Variants in IRAG2 observed in about 807,000 individuals in gnomAD.
IRAG2 encodes lymphoid restricted membrane protein.
In IRAG2, 45 loss-of-function variants were observed where a neutral mutation model predicts 69.9. That is an observed-to-expected ratio of 0.64 (90% confidence interval 0.51 to 0.83). The LOEUF (loss-of-function observed/expected upper bound fraction) is 0.83. Among genes scored for constraint, IRAG2 ranks in the 40% least tolerant of loss-of-function variants. IRAG2 has a pLI of 0.00. For missense variants in IRAG2, 520 were observed against 587.0 expected (o/e 0.89, Z 1.18); for synonymous variants, 193 against 202.4 (o/e 0.95, Z 0.40).
chr12:25,050,165 G>A (rs916996458), upstream of IRAG2, among the ~76,000 whole-genome samples: 2 of 151,516 alleles, frequency 1.3e-5, no homozygotes, highest in Non-Finnish European at 2.9e-5. Context: ...AAAAAGTGTT[G>A]GTGAGGATGT....
chr12:25,022,068 A>T (rs929881408), intron 7 of IRAG2, among the ~76,000 whole-genome samples: 2 of 152,210 alleles, frequency 1.3e-5, no homozygotes, highest in Non-Finnish European at 2.9e-5. Flanking sequence ...TAGCCCTGCC[A>T]CATAGTCACT....
chr12:25,013,944 G>T (rs1234905163), intron 3 of IRAG2, among the ~76,000 whole-genome samples: 1 of 127,132 alleles, frequency 7.9e-6, no homozygotes, highest in African/African-American at 3.0e-5. Context: ...GCGCAATCTC[G>T]GCTCACTGCA....
rs1473707288 is a variant in IRAG2, at chr12:25,038,270, TTC to T, written c.2144+135_2144+136del. 1.8e-5 allele frequency: 7 copies of T among 392,948 alleles called. No homozygotes were observed. The East Asian group carries it at 2.5e-4, about 14-fold the overall frequency. The allele number at this position is 392,948 out of a possible 1,614,324, so 24.3% of individuals were successfully genotyped here. A position where few individuals can be genotyped will look rare whatever the true frequency, so the allele number is the denominator to read the frequency against. On this transcript the variant is annotated intron_variant, in intron 16 of 38. Coordinates refer to the IRAG2 transcript ENST00000636465. The stretch of plus-strand genomic sequence containing the variant: ...GATGATACTTTTTTCAGAGAAGATA[TTC>T]TGTTTGATAATTCTGAATTGTAAAA...
chr12:25,051,528 A>T (rs765398564), upstream of IRAG2, among the ~76,000 whole-genome samples: 2 of 152,234 alleles, frequency 1.3e-5, no homozygotes, highest in Non-Finnish European at 2.9e-5. Context: ...ACATTAAATA[A>T]TCTCATCTGC....
chr12:25,098,477 T>C lies in IRAG2; in HGVS notation c.741+1433T>C, dbSNP rs916408074. 3.3e-5 allele frequency among the ~76,000 whole-genome samples: 5 copies of C among 152,202 alleles called. 1 individual carries two copies. The highest frequency in any genetic ancestry group is 3.3e-4 in the Admixed American group (5 of 15,278). ...TGAATCCTTACACACTCCCTTGCTC[T>C]TGTTCCTAAAGATGCGTTGTCTCTA... is the stretch of plus-strand genomic sequence containing the variant. On this transcript the variant is annotated intron_variant, in intron 15 of 21. Coordinates refer to ENST00000556887, the MANE Select transcript of IRAG2 (RefSeq NM_001366544.2).
intron 10 of IRAG2, among the ~76,000 whole-genome samples, chr12:25,031,457 A>G (rs1424225284): frequency 6.6e-6 from 1 of 152,224 alleles, no homozygotes; most frequent in East Asian, 1.9e-4. Flanking sequence ...AGGTATCATT[A>G]GTACTGAAAA....
chr12:25,027,574 T>G (rs1454943666), intron 9 of IRAG2, among the ~76,000 whole-genome samples: 1 of 151,944 alleles, frequency 6.6e-6, no homozygotes, highest in African/African-American at 2.4e-5. Flanking sequence ...TTTTGTATTT[T>G]TAGTAGAGAC....
chr12:25,012,769 A>G (rs963040501), intron 3 of IRAG2, among the ~76,000 whole-genome samples: 1 of 152,160 alleles, frequency 6.6e-6, no homozygotes, highest in African/African-American at 2.4e-5. Context: ...TGGAGGTTGA[A>G]GTGAGCCGAG....
chr12:25,107,049 G>T lies in IRAG2; in HGVS notation c.1255G>T (p.Val419Phe). ...NNPSKWDVSS[V>F]YDTIASWATN... ...TCCATCAAAGTGGGATGTCTCTTCA[G>T]TGTAAGTTATCTACTTGATAAATTC... The change falls in exon 21 of 22, where the codon GTT (valine) becomes TTT (phenylalanine). Residue 419 changes from valine (V) to phenylalanine (F), a missense_variant and splice_region_variant. Coordinates refer to ENST00000556887, the MANE Select transcript of IRAG2 (RefSeq NM_001366544.2). 1 of 1,546,594 alleles carries T rather than the reference G, an allele frequency of 6.5e-7. No individual in the cohort carries two copies. Among genetic ancestry groups the T allele is most frequent in the Non-Finnish European group, 8.9e-7 (1 of 1,125,570 alleles).
chr12:25,043,928 A>T (rs1944770953), intron 16 of IRAG2, among the ~76,000 whole-genome samples: 1 of 152,226 alleles, frequency 6.6e-6, no homozygotes, highest in East Asian at 1.9e-4. Context: ...AGAATCCCAT[A>T]AAAATGCTCG....
chr12:25,095,614 A>G (rs1037437268), intron 14 of IRAG2, among the ~76,000 whole-genome samples: 6 of 151,938 alleles, frequency 3.9e-5, no homozygotes, highest in African/African-American at 1.5e-4. Flanking sequence ...TTTTTCTTTA[A>G]TGTCTTTTTC....
intron 5 of IRAG2, among the ~76,000 whole-genome samples, chr12:25,067,373 C>G (rs1000551571): frequency 2.6e-5 from 4 of 152,132 alleles, no homozygotes; most frequent in African/African-American, 9.7e-5. Flanking sequence ...CTTCTCCAGC[C>G]GACATGAAAT....
intron 1 of IRAG2, among the ~76,000 whole-genome samples, chr12:25,059,590 G>A (rs764028367): frequency 6.6e-6 from 1 of 152,100 alleles, no homozygotes; most frequent in Non-Finnish European, 1.5e-5. Flanking sequence ...CCGACCTCAG[G>A]TGACCCATCT....
chr12:25,040,369 T>C (rs1944738423), intron 16 of IRAG2, among the ~76,000 whole-genome samples: 1 of 152,106 alleles, frequency 6.6e-6, no homozygotes, highest in Admixed American at 6.5e-5. Context: ...GAGCTGGGCA[T>C]GGTGATGCAT....
At chr12:25,096,753 A>G (rs996789915) in intron 14 of IRAG2, 157 bp from the exon 15 acceptor site, 5 of 567,350 alleles carry the variant, frequency 8.8e-6, no homozygotes, top group Non-Finnish European at 1.2e-5. Context: ...ATAATAATAT[A>G]TCAGTATCAT....
intron 6 of IRAG2, among the ~76,000 whole-genome samples, chr12:25,072,599 A>T (rs1332393693): frequency 6.6e-6 from 1 of 152,240 alleles, no homozygotes; most frequent in Non-Finnish European, 1.5e-5. Flanking sequence ...AAAATATAAG[A>T]TATAAATTAT....
intron 6 of IRAG2, among the ~76,000 whole-genome samples, chr12:25,077,015 G>T (rs960663274): frequency 6.6e-6 from 1 of 150,460 alleles, no homozygotes; most frequent in South Asian, 2.1e-4. Flanking sequence ...AGCTGCAATC[G>T]CAGGTGTACA....
intron 1 of IRAG2, among the ~76,000 whole-genome samples, chr12:25,055,110 T>C (rs1945149286): frequency 1.3e-5 from 2 of 152,250 alleles, no homozygotes; most frequent in Admixed American, 1.3e-4. Flanking sequence ...TCCATCTAAG[T>C]TGCATCAGCA....
intron 21 of IRAG2, 38 bp from the exon 22 acceptor site, chr12:25,107,779 T>G (rs756380140): frequency 1.3e-6 from 2 of 1,593,332 alleles, no homozygotes; most frequent in South Asian, 2.2e-5. Flanking sequence ...TAATGACAAA[T>G]TACCGATTAC....
Sources: gnomAD v4.1 joint callset for allele counts (sites outside exome capture counted in the v4.1 genomes callset) on GRCh38, gnomAD v4.1.1 for gene constraint, MANE v1.5 for transcripts, NCBI Gene and HGNC (gene_info 2026-07-23, HGNC 2026-07-21) for gene names.